Variants in B4GALNT3 observed in about 807,000 individuals in gnomAD.
The protein encoded by B4GALNT3 is beta-1,4-N-acetylgalactosaminyltransferase 3.
B4GALNT3 carries 86 observed loss-of-function variants against 120.2 expected under a neutral mutation model. That is an observed-to-expected ratio of 0.72 (90% confidence interval 0.60 to 0.86). The LOEUF (loss-of-function observed/expected upper bound fraction) is 0.86. B4GALNT3 is among the 40% of genes least tolerant of loss of function. The pLI is 0.00. For synonymous variants in B4GALNT3, 518 were observed against 510.4 expected (o/e 1.01, Z -0.20); for missense variants, 1,167 against 1,298.9 (o/e 0.90, Z 1.56).
chr12:460,683 C>G lies in B4GALNT3; in HGVS notation c.169+138C>G. 5.3e-6 allele frequency: 5 copies of G among 936,788 alleles called. No homozygotes were observed. Among genetic ancestry groups the G allele is most frequent in the Non-Finnish European group, 7.0e-6 (5 of 714,864 alleles). 58.0% of individuals were successfully genotyped at this position (936,788 alleles called of 1,614,324 possible). Reference sequence around the variant, plus strand: ...CTCCCTCAGGTGCCCGGCGTCGCCCCGCGCGTACTCGGGGAGAGCTGCGGG... The same window carrying G: ...CTCCCTCAGGTGCCCGGCGTCGCCCGGCGCGTACTCGGGGAGAGCTGCGGG... On this transcript the variant is annotated intron_variant, in intron 1 of 19. Transcript: ENST00000266383. The surrounding 1 kb of genome is among the most constrained non-coding windows in gnomAD (Gnocchi z 8.0).
intron 3 of B4GALNT3, among the ~76,000 whole-genome samples, chr12:540,937 GT>G (rs1165656870): frequency 6.6e-6 from 1 of 152,106 alleles, no homozygotes; most frequent in African/African-American, 2.4e-5. Flanking sequence ...TAGAGATGGG[GT>G]TTCACCATGT....
intron 2 of B4GALNT3, among the ~76,000 whole-genome samples, chr12:535,880 G>T (rs1249461109): frequency 6.6e-6 from 1 of 152,122 alleles, no homozygotes; most frequent in Non-Finnish European, 1.5e-5. Flanking sequence ...GGGTTTGGTG[G>T]TGTCCCTGAG....
chr12:460,006 GCAGGC>G lies in B4GALNT3; in HGVS notation c.-370_-366del. ...GGGGCTGGCGGGGGCGCGGGCGGAG[GCAGGC>G]GGGCGGGCGCCGGGGAAGCCTCCTT... is the stretch of plus-strand genomic sequence containing the variant. On this transcript the variant is annotated 5_prime_UTR_variant, in exon 1 of 20. Transcript: ENST00000266383. This position sits in a 1 kb window ranked among gnomAD's most constrained non-coding sequence, Gnocchi z 8.0. 6.6e-6 allele frequency among the ~76,000 whole-genome samples: 1 copy of G among 151,190 alleles called. No individual in the cohort carries two copies. The highest frequency in any genetic ancestry group is 1.9e-4 in the East Asian group (1 of 5,152).
At chr12:515,973 TAA>T (rs1347723047) in intron 1 of B4GALNT3, among the ~76,000 whole-genome samples, 2 of 140,910 alleles carry the variant, frequency 1.4e-5, no homozygotes, top group African/African-American at 5.2e-5. Flanking sequence ...CCATCTCTAC[TAA>T]AAACACACAC....
intron 1 of B4GALNT3, among the ~76,000 whole-genome samples, chr12:526,747 CCTT>C (rs1308604701): frequency 6.6e-6 from 1 of 152,152 alleles, no homozygotes; most frequent in Non-Finnish European, 1.5e-5. Flanking sequence ...CCTGGCTAAA[CCTT>C]CTGTGGCCTC....
intron 1 of B4GALNT3, among the ~76,000 whole-genome samples, chr12:473,365 G>T (rs989235430): frequency 2.6e-5 from 4 of 152,182 alleles, no homozygotes; most frequent in Admixed American, 2.6e-4. Context: ...TAGTGAGGTG[G>T]TTACTGCAGT....
intron 1 of B4GALNT3, among the ~76,000 whole-genome samples, chr12:518,408 C>T (rs1946676787): frequency 1.3e-5 from 2 of 152,160 alleles, no homozygotes; most frequent in Non-Finnish European, 2.9e-5. Context: ...AACCTACATA[C>T]ATCCTTCCAT....
intron 1 of B4GALNT3, among the ~76,000 whole-genome samples, chr12:487,952 AAAAC>A (rs1946306039): frequency 1.3e-5 from 2 of 152,152 alleles, no homozygotes; most frequent in Admixed American, 1.3e-4. Flanking sequence ...CCCTGTCTCC[AAAAC>A]AAACAAAAAA....
intron 1 of B4GALNT3, among the ~76,000 whole-genome samples, chr12:479,868 T>C (rs1174103240): frequency 1.3e-5 from 2 of 151,010 alleles, no homozygotes; most frequent in African/African-American, 4.9e-5. Context: ...TGGGGAGTTC[T>C]ATTCAGAACT....
chr12:475,286 A>C (rs147880035), intron 1 of B4GALNT3, among the ~76,000 whole-genome samples: 70 of 152,308 alleles, frequency 4.6e-4, no homozygotes, highest in Admixed American at 1.8e-3. Flanking sequence ...CTCTGCCTGA[A>C]GCTTTACCCA....
chr12:543,411 C>T (rs1946944751), intron 3 of B4GALNT3, among the ~76,000 whole-genome samples: 3 of 144,816 alleles, frequency 2.1e-5, no homozygotes, highest in South Asian at 2.3e-4. Context: ...CTGGGGCGGG[C>T]ATGGGGTGCT....
intron 1 of B4GALNT3, among the ~76,000 whole-genome samples, chr12:482,631 G>A (rs755653234): frequency 2.0e-5 from 3 of 152,174 alleles, no homozygotes; most frequent in Non-Finnish European, 2.9e-5. Context: ...CAGGAAGGTC[G>A]TTATTTCCGG....
At chr12:501,674 T>G (rs1325965670) in intron 1 of B4GALNT3, among the ~76,000 whole-genome samples, 1 of 152,182 alleles carries the variant, frequency 6.6e-6, no homozygotes, top group Non-Finnish European at 1.5e-5. Flanking sequence ...AAGTCGGTGG[T>G]GCCCAGTTGG....
chr12:507,673 C>T (rs934240959), intron 1 of B4GALNT3, among the ~76,000 whole-genome samples: 2 of 152,226 alleles, frequency 1.3e-5, no homozygotes, highest in African/African-American at 4.8e-5. Context: ...GAAGCACTTT[C>T]TCACAAAAGG....
intron 1 of B4GALNT3, among the ~76,000 whole-genome samples, chr12:499,655 C>A (rs1399101209): frequency 8.1e-6 from 1 of 122,864 alleles, no homozygotes; most frequent in Non-Finnish European, 1.7e-5. Context: ...GGAGCCCGTG[C>A]TCTCACTATC....
chr12:542,839 G>A (rs959597574), intron 3 of B4GALNT3, among the ~76,000 whole-genome samples: 1 of 152,204 alleles, frequency 6.6e-6, no homozygotes, highest in African/African-American at 2.4e-5. Flanking sequence ...AGACCAAGAT[G>A]CTGGGAAGCC....
At chr12:462,150 TC>T (rs2120400110) in intron 1 of B4GALNT3, among the ~76,000 whole-genome samples, 1 of 152,048 alleles carries the variant, frequency 6.6e-6, no homozygotes, top group South Asian at 2.1e-4. Flanking sequence ...GAATCTATTC[TC>T]CCCCGCCATG....
At chr12:477,092 A>G (rs1946193078) in intron 1 of B4GALNT3, among the ~76,000 whole-genome samples, 1 of 152,134 alleles carries the variant, frequency 6.6e-6, no homozygotes, top group African/African-American at 2.4e-5. Context: ...GCTTTAATCA[A>G]CCTGCCCATA....
At chr12:488,971 G>A (rs215234) in intron 1 of B4GALNT3, among the ~76,000 whole-genome samples, 70,169 of 151,574 alleles carry the variant, frequency 0.46, 17,008 homozygotes, top group Admixed American at 0.6. Context: ...TTAAAACCAC[G>A]GAAGACTGCA....
Sources: gnomAD v4.1 joint callset for allele counts (sites outside exome capture counted in the v4.1 genomes callset) on GRCh38, gnomAD v4.1.1 for gene constraint, Gnocchi (gnomAD v3.1) non-coding constraint, MANE v1.5 for transcripts, NCBI Gene and HGNC (gene_info 2026-07-23, HGNC 2026-07-21) for gene names.